NSD1: variants seen among roughly 807,000 people sequenced by gnomAD.
The protein encoded by NSD1 is histone-lysine N-methyltransferase, H3 lysine-36 specific.
Under a neutral mutation model 242.7 loss-of-function variants are expected in NSD1, and 26 were observed. That is an observed-to-expected ratio of 0.11 (90% CI 0.08 to 0.15). NSD1 has a LOEUF of 0.15. Ranked by LOEUF, NSD1 falls within the 10% of genes least tolerant of loss-of-function variation. The pLI, the probability that NSD1 is intolerant of heterozygous loss-of-function variation, is 1.00. For missense variants in NSD1, 2,495 were observed against 3,272.8 expected (o/e 0.76, Z 5.80); for synonymous variants, 1,106 against 1,178.1 (o/e 0.94, Z 1.25).
chr5:177,214,467 T>C (rs1312721068), intron 5 of NSD1, among the ~76,000 whole-genome samples: 1 of 152,154 alleles, frequency 6.6e-6, no homozygotes, highest in African/African-American at 2.4e-5. Flanking sequence ...TCTATACCCA[T>C]TGAACAACAA....
intron 2 of NSD1, among the ~76,000 whole-genome samples, chr5:177,191,184 G>A (rs561001951): frequency 2.9e-4 from 43 of 149,176 alleles, no homozygotes; most frequent in South Asian, 2.8e-3. Context: ...TGGCCAGGCC[G>A]GTCACGAACT....
Position 177,135,475 on chromosome 5 carries a change from T to C in NSD1, c.372T>C (p.Leu124=). The C allele has an allele frequency of 6.2e-7, 1 of 1,614,182 alleles. No homozygotes were observed. Among genetic ancestry groups the C allele is most frequent in the Non-Finnish European group, 8.5e-7 (1 of 1,180,034 alleles). The change falls in exon 2 of 23, where the codon CTT becomes CTC. Residue 124 remains leucine, a synonymous_variant. Coordinates refer to ENST00000439151, the MANE Select transcript of NSD1 (RefSeq NM_022455.5). Reference sequence around the variant, plus strand: ...TGAGTCCTGGTGGTCCTACAGCACTTGCTATGAAACAGGAACCCTCTTGTA... The same window carrying C: ...TGAGTCCTGGTGGTCCTACAGCACTCGCTATGAAACAGGAACCCTCTTGTA... The part of the protein sequence containing the change: ...TSLSPGGPTA[L]AMKQEPSCNN...
At chr5:177,152,050 C>T (rs977268790) in intron 2 of NSD1, among the ~76,000 whole-genome samples, 1 of 151,756 alleles carries the variant, frequency 6.6e-6, no homozygotes, top group Non-Finnish European at 1.5e-5. Flanking sequence ...TTAGTAGAGA[C>T]GGGGTTTCAC....
intron 2 of NSD1, among the ~76,000 whole-genome samples, chr5:177,139,873 G>A (rs1051590302): frequency 4.0e-5 from 6 of 150,776 alleles, no homozygotes; most frequent in African/African-American, 1.5e-4. Context: ...GAGGCCAGAA[G>A]TTTGAGACTG....
chr5:177,292,335 T>A (rs1387728755), intron 22 of NSD1, among the ~76,000 whole-genome samples, 177 bp downstream of exon 22: 1 of 152,336 alleles, frequency 6.6e-6, no homozygotes, highest in Non-Finnish European at 1.5e-5. Flanking sequence ...GAATTCTTAG[T>A]TATGAAGAAT....
intron 5 of NSD1, among the ~76,000 whole-genome samples, chr5:177,222,906 G>A (rs1356169447): frequency 6.6e-6 from 1 of 151,822 alleles, no homozygotes; most frequent in African/African-American, 2.4e-5. Context: ...TGCTATTGTT[G>A]GTGTATGTTA....
intron 2 of NSD1, among the ~76,000 whole-genome samples, chr5:177,189,867 C>T (rs1761528379): frequency 2.0e-5 from 3 of 152,102 alleles, no homozygotes; most frequent in Non-Finnish European, 4.4e-5. Flanking sequence ...ATTTGTCTTT[C>T]CCATCGATTC....
At chr5:177,147,315 C>T (rs1757334429) in intron 2 of NSD1, among the ~76,000 whole-genome samples, 1 of 152,132 alleles carries the variant, frequency 6.6e-6, no homozygotes, top group South Asian at 2.1e-4. Flanking sequence ...CCATGTTGCT[C>T]AAGCTCGTCT....
chr5:177,288,568 T>G (rs1759524668), intron 20 of NSD1: 1 of 424,754 alleles, frequency 2.4e-6, no homozygotes, highest in Non-Finnish European at 4.3e-6. Flanking sequence ...GAAAAACAAC[T>G]TGAGGTAATT....
At chr5:177,185,920 T>TTA (rs370464580) in intron 2 of NSD1, among the ~76,000 whole-genome samples, 18,398 of 86,474 alleles carry the variant, frequency 0.21, 2,564 homozygotes, top group East Asian at 0.48. Flanking sequence ...TTATATATAT[T>TTA]TATATATATA....
intron 2 of NSD1, among the ~76,000 whole-genome samples, chr5:177,191,428 T>C (rs1405956702): frequency 6.6e-6 from 1 of 152,184 alleles, no homozygotes; most frequent in East Asian, 1.9e-4. Flanking sequence ...CTAATAGAAA[T>C]ATTGGTTTGA....
At chr5:177,204,433 A>G in intron 4 of NSD1, 141 bp downstream of exon 4, 1 of 738,046 alleles carries the variant, frequency 1.4e-6, no homozygotes, top group Non-Finnish European at 2.3e-6. Flanking sequence ...TGTTCACTGC[A>G]ACCTCCGCGT....
rs544646338 is a variant in NSD1, at chr5:177,299,603, G to C, written c.*4144G>C. ...TAAGGGTAGTATTTTCTAAGGAAGT[G>C]GAAAGAATTAAACTAGAAATCCACA... On this transcript the variant is annotated 3_prime_UTR_variant, in exon 23 of 23. Transcript: ENST00000439151. 8.6e-6 allele frequency: 2 copies of C among 233,266 alleles called. No individual in the cohort carries two copies. Among genetic ancestry groups the C allele is most frequent in the South Asian group, 3.6e-4 (2 of 5,532 alleles). The allele number at this position is 233,266 out of a possible 1,614,324, so 14.4% of individuals were successfully genotyped here. A position where few individuals can be genotyped will look rare whatever the true frequency, so the allele number is the denominator to read the frequency against.
At position 177,280,718 on chromosome 5, in the gene NSD1, C is replaced by A. The variant is rs757822664; in HGVS notation, c.5776C>A (p.Pro1926Thr). 6.2e-7 allele frequency: 1 copy of A among 1,614,236 alleles called. No homozygotes were observed. Among genetic ancestry groups the A allele is most frequent in the Non-Finnish European group, 8.5e-7 (1 of 1,180,038 alleles). Reference sequence around the variant, plus strand: ...CTATGAGTGCCACCCCACAGTGTGTCCTGCCGGAGGGCGCTGTCAAAACCA... The same window carrying A: ...CTATGAGTGCCACCCCACAGTGTGTACTGCCGGAGGGCGCTGTCAAAACCA... ...LLYECHPTVC[P>T]AGGRCQNQCF... The change falls in exon 18 of 23, where the codon CCT becomes ACT. Residue 1926 changes from proline to threonine, a missense_variant. Pro to Thr is a conservative substitution (Grantham distance 38). This residue lies in a region of NSD1 where 114 missense variants were observed against 247.4 expected (regional missense o/e 0.46). Coordinates refer to ENST00000439151, the MANE Select transcript of NSD1 (RefSeq NM_022455.5).
At position 177,211,993 on chromosome 5, in the gene NSD1, G is replaced by T. The variant is rs1763383047; in HGVS notation, c.3594G>T (p.Glu1198Asp). The T allele has an allele frequency of 1.2e-6, 2 of 1,613,638 alleles. No homozygotes were observed. The highest frequency in any genetic ancestry group is 2.7e-5 in the African/African-American group (2 of 75,034). Residue 1198 changes from glutamate (E) to aspartate (D), a missense_variant, in exon 5 of 23, where the codon GAG becomes GAT. Physicochemically the swap from Glu to Asp is conservative, Grantham distance 45 (BLOSUM62 2). Coordinates refer to ENST00000439151, the MANE Select transcript of NSD1 (RefSeq NM_022455.5). ...TACTTCCTAGTGACCCTGTGCAGGA[G>T]GGGCGGGATGAGTTTCCAGAGCATA... ...RVLLPSDPVQ[E>D]GRDEFPEHRT...
intron 17 of NSD1, among the ~76,000 whole-genome samples, chr5:177,278,053 T>A (rs866593584): frequency 6.6e-6 from 1 of 152,220 alleles, no homozygotes; most frequent in African/African-American, 2.4e-5. Context: ...TTATGCCTTA[T>A]GGCTTCCAGT....
chr5:177,286,114 G>A lies in NSD1; in HGVS notation c.6151+2186G>A, dbSNP rs572504601. On this transcript the variant is annotated intron_variant, in intron 20 of 22. Coordinates refer to ENST00000439151, the MANE Select transcript of NSD1 (RefSeq NM_022455.5). ...TGACCTCAAGTGATCCGCCTACCTC[G>A]GCCTCCCAAAGTGCTAGAATTACAG... 3.3e-5 allele frequency among the ~76,000 whole-genome samples: 5 copies of A among 152,066 alleles called. No individual in the cohort carries two copies. In the East Asian group the frequency reaches 5.8e-4, roughly 18 times the overall value.
In NSD1 at chr5:177,244,261, T is replaced by C. The variant is rs370683599; in HGVS notation, c.4369T>C (p.Phe1457Leu). The change falls in exon 9 of 23, where the codon TTT becomes CTT. Residue 1457 changes from phenylalanine to leucine, a missense_variant. This residue lies in a region of NSD1 where 97 missense variants were observed against 97.7 expected (regional missense o/e 0.99). Transcript: ENST00000439151. The stretch of plus-strand genomic sequence containing the variant: ...TTGTGCCACATCTTATTCAAAAGAT[T>C]TTGGTGGAGGTGAGTATTTTTGAGA... ...ESCATSYSKD[F>L]GGGTTKIFDK... 2 of 1,612,744 alleles carry C rather than the reference T, an allele frequency of 1.2e-6. No homozygotes were observed. Among genetic ancestry groups the C allele is most frequent in the South Asian group, 1.1e-5 (1 of 91,016 alleles).
At chr5:177,203,885 C>T (rs1312292897) in intron 3 of NSD1, among the ~76,000 whole-genome samples, 1 of 152,128 alleles carries the variant, frequency 6.6e-6, no homozygotes, top group South Asian at 2.1e-4. Context: ...TGAAGCTATA[C>T]CACGTCATCA....
Sources: gnomAD v4.1 joint callset for allele counts (sites outside exome capture counted in the v4.1 genomes callset) on GRCh38, gnomAD v4.1.1 for gene constraint, gnomAD v4.1.1 regional missense constraint, MANE v1.5 for transcripts, NCBI Gene and HGNC (gene_info 2026-07-23, HGNC 2026-07-21) for gene names.